Variants in GSE1 observed in about 807,000 individuals in gnomAD.
The protein encoded by GSE1 is genetic suppressor element 1.
In GSE1, 32 loss-of-function variants were observed where a neutral mutation model predicts 112.6. The ratio of observed to expected loss-of-function variants is 0.28; its 90% CI spans 0.21 to 0.38. GSE1 has a LOEUF of 0.38. GSE1 is among the 10% of genes least tolerant of loss of function. GSE1 has a pLI of 1.00. For missense variants in GSE1, 2,348 were observed against 1,699.2 expected (o/e 1.38, Z -6.71); for synonymous variants, 1,115 against 735.6 (o/e 1.52, Z -8.35).
chr16:85,305,263 T>C (rs947333521), intron 1 of GSE1, among the ~76,000 whole-genome samples: 2 of 152,218 alleles, frequency 1.3e-5, no homozygotes, highest in Non-Finnish European at 2.9e-5. Flanking sequence ...TCTCTGACGA[T>C]GGACCCTGGG....
chr16:85,556,148 G>T (rs1376375449), exon 1 of GSE1: 7 of 955,968 alleles, frequency 7.3e-6, no homozygotes, highest in Non-Finnish European at 8.6e-6. Context: ...CGGGGCGGGG[G>T]GGGGAAAGAC....
At chr16:85,283,924 C>T (rs984352369) in intron 1 of GSE1, among the ~76,000 whole-genome samples, 1 of 152,204 alleles carries the variant, frequency 6.6e-6, no homozygotes, top group African/African-American at 2.4e-5. Context: ...TTATCCGCTC[C>T]ACCACGTCTC....
upstream of GSE1, among the ~76,000 whole-genome samples, chr16:85,609,146 C>T (rs1470169494): frequency 1.3e-5 from 2 of 152,234 alleles, no homozygotes; most frequent in Admixed American, 6.5e-5. Context: ...GTGCTGTCAT[C>T]CTGCCCCCTT....
chr16:85,493,827 A>T (rs935935553), intron 2 of GSE1, among the ~76,000 whole-genome samples: 4 of 150,546 alleles, frequency 2.7e-5, no homozygotes, highest in Admixed American at 1.3e-4. Flanking sequence ...GTGGTGGTAC[A>T]CATCTGTAGT....
chr16:85,502,543 G>A (rs2051404618), intron 2 of GSE1, among the ~76,000 whole-genome samples: 1 of 152,232 alleles, frequency 6.6e-6, no homozygotes, highest in Admixed American at 6.5e-5. Context: ...AGCCAGCGCT[G>A]GGCCAGGCCT....
At chr16:85,431,377 TC>T (rs2049116975) in intron 2 of GSE1, among the ~76,000 whole-genome samples, 1 of 152,224 alleles carries the variant, frequency 6.6e-6, no homozygotes, top group Non-Finnish European at 1.5e-5. Flanking sequence ...AAGCCAGAAG[TC>T]CAGATTTTTC....
intron 1 of GSE1, among the ~76,000 whole-genome samples, chr16:85,318,777 C>T (rs1036845356): frequency 6.6e-6 from 1 of 152,212 alleles, no homozygotes; most frequent in African/African-American, 2.4e-5. Flanking sequence ...AGCTTCTCAC[C>T]CCCAATGACT....
At chr16:85,614,216 C>T (rs1691873896) in intron 1 of GSE1, among the ~76,000 whole-genome samples, 1 of 152,226 alleles carries the variant, frequency 6.6e-6, no homozygotes, top group South Asian at 2.1e-4. Flanking sequence ...ATGCGCCTCC[C>T]CGCCCCCAGC....
rs141386660 is a variant in GSE1, at chr16:85,527,225, C to T, written c.2465-106689C>T. Among the ~76,000 whole-genome samples, 859 of 152,354 alleles carry T rather than the reference C, an allele frequency of 5.6e-3. 7 individuals carry two copies. The highest frequency in any genetic ancestry group is 0.02 in the African/African-American group (819 of 41,574). On this transcript the variant is annotated intron_variant, in intron 2 of 2. Coordinates refer to the GSE1 transcript ENST00000637419. ...GCCTGGGCTTGTCTCCCCACTGGTC[C>T]GTGGGCGCGCAGGGGCTGGCTCCGG...
intron 1 of GSE1, among the ~76,000 whole-genome samples, chr16:85,214,996 C>T (rs555328642): frequency 2.6e-5 from 4 of 152,310 alleles, no homozygotes; most frequent in African/African-American, 9.6e-5. Context: ...GACACAATGC[C>T]AGGCGCAAGG....
chr16:85,514,718 AC>A lies in GSE1; in HGVS notation c.2465-119195del, dbSNP rs1308709717. Among the ~76,000 whole-genome samples the A allele has an allele frequency of 6.6e-5, 10 of 152,014 alleles. No homozygotes were observed. The East Asian group carries it at 1.9e-3, about 30-fold the overall frequency. On this transcript the variant is annotated intron_variant, in intron 2 of 2. Transcript: ENST00000637419. ...TGGAGGTTTCCCAAGTCCAGATCAC[AC>A]GTCCAGGCCCCGAGTGCCTGCTCTC...
intron 1 of GSE1, among the ~76,000 whole-genome samples, chr16:85,276,058 AAGATGG>A (rs1447352540): frequency 6.6e-6 from 1 of 152,226 alleles, no homozygotes; most frequent in Non-Finnish European, 1.5e-5. Context: ...TGCCACAGAA[AAGATGG>A]TCCTGGTAGA....
intron 1 of GSE1, among the ~76,000 whole-genome samples, chr16:85,563,912 G>A (rs150027704): frequency 2.0e-5 from 3 of 152,184 alleles, no homozygotes; most frequent in East Asian, 1.9e-4. Context: ...GTTGCTTTTC[G>A]CACAGAACAC....
chr16:85,257,658 A>C (rs1328181819), intron 1 of GSE1, among the ~76,000 whole-genome samples: 1 of 152,222 alleles, frequency 6.6e-6, no homozygotes, highest in Non-Finnish European at 1.5e-5. Flanking sequence ...AAAAAACTTA[A>C]AAATTGGCAG....
intron 1 of GSE1, among the ~76,000 whole-genome samples, chr16:85,341,623 C>G (rs1318512659): frequency 6.6e-6 from 1 of 152,070 alleles, no homozygotes; most frequent in African/African-American, 2.4e-5. Context: ...CACCACTGCA[C>G]TCCAGCCTGG....
intron 1 of GSE1, among the ~76,000 whole-genome samples, chr16:85,267,236 A>C (rs989629143): frequency 6.6e-6 from 1 of 152,030 alleles, no homozygotes; most frequent in African/African-American, 2.4e-5. Flanking sequence ...CCCCCTCCCC[A>C]TCGGGGTGCC....
intron 2 of GSE1, among the ~76,000 whole-genome samples, chr16:85,523,625 C>T (rs990052242): frequency 2.6e-5 from 4 of 152,218 alleles, no homozygotes; most frequent in African/African-American, 7.2e-5. Flanking sequence ...GATGCAGTTC[C>T]AGGGGGCTGA....
intron 2 of GSE1, among the ~76,000 whole-genome samples, chr16:85,471,820 C>G (rs1018817326): frequency 6.6e-6 from 1 of 152,200 alleles, no homozygotes; most frequent in East Asian, 1.9e-4. Context: ...CAATGATCTT[C>G]CCGCCTCAGC....
intron 2 of GSE1, among the ~76,000 whole-genome samples, chr16:85,381,325 G>A (rs1456320177): frequency 6.6e-6 from 1 of 152,160 alleles, no homozygotes; most frequent in Middle Eastern, 3.2e-3. Context: ...TCATTGTGTG[G>A]ATAGACCCCA....
Sources: allele counts gnomAD v4.1 joint callset (sites outside exome capture counted in the v4.1 genomes callset), GRCh38; gene constraint gnomAD v4.1.1; transcripts MANE v1.5; gene names NCBI Gene and HGNC (gene_info 2026-07-23, HGNC 2026-07-21).